SUMF1: variants seen among roughly 807,000 people sequenced by gnomAD.
SUMF1 encodes sulfatase modifying factor 1, also known as formylglycine-generating enzyme.
Under a neutral mutation model 47.6 loss-of-function variants are expected in SUMF1, and 48 were observed. That is an observed-to-expected ratio of 1.01 (90% CI 0.80 to 1.28). SUMF1 has a LOEUF of 1.28. Among genes scored for constraint, SUMF1 ranks in the 50% most tolerant of loss-of-function variants. The pLI, the probability that SUMF1 is intolerant of heterozygous loss-of-function variation, is 0.00. For synonymous variants in SUMF1, 230 were observed against 192.1 expected (o/e 1.20, Z -1.63); for missense variants, 571 against 485.4 (o/e 1.18, Z -1.66).
chr3:4,331,761 C>T (rs774133737), intron 8 of SUMF1, among the ~76,000 whole-genome samples: 6 of 152,102 alleles, frequency 3.9e-5, no homozygotes, highest in Non-Finnish European at 7.4e-5. Flanking sequence ...ACTCAAGAGG[C>T]GGAGGTTGCA....
At chr3:4,257,824 A>G (rs550504727) in intron 8 of SUMF1, among the ~76,000 whole-genome samples, 2 of 151,908 alleles carry the variant, frequency 1.3e-5, no homozygotes, top group Admixed American at 6.5e-5. Context: ...AGCCAAAAGA[A>G]CAAAGCTGGA....
At chr3:4,232,802 C>T (rs576424498) in intron 8 of SUMF1, among the ~76,000 whole-genome samples, 8 of 151,958 alleles carry the variant, frequency 5.3e-5, no homozygotes, top group African/African-American at 1.9e-4. Flanking sequence ...AGCTGTTGTG[C>T]GTTAAGAAAG....
At chr3:4,174,929 T>C (rs1334855443) in intron 8 of SUMF1, among the ~76,000 whole-genome samples, 1 of 152,208 alleles carries the variant, frequency 6.6e-6, no homozygotes, top group African/African-American at 2.4e-5. Context: ...CCTTGCTCAC[T>C]GCTATTGCAG....
At chr3:4,410,021 T>C (rs1303002216) in intron 7 of SUMF1, among the ~76,000 whole-genome samples, 1 of 152,236 alleles carries the variant, frequency 6.6e-6, no homozygotes, top group African/African-American at 2.4e-5. Flanking sequence ...GCACATCAAG[T>C]AACCAGTCTA....
intron 3 of SUMF1, among the ~76,000 whole-genome samples, chr3:4,432,814 G>A (rs711651): frequency 6.6e-6 from 1 of 151,930 alleles, no homozygotes; most frequent in East Asian, 1.9e-4. Flanking sequence ...GTTATCTGTT[G>A]TATCTATGGC....
At chr3:4,217,259 C>T (rs1695945072) in intron 8 of SUMF1, among the ~76,000 whole-genome samples, 1 of 151,136 alleles carries the variant, frequency 6.6e-6, no homozygotes, top group Admixed American at 6.6e-5. Flanking sequence ...CAAACTATCA[C>T]AAGAACAGAA....
chr3:4,418,839 T>C (rs1701802395), intron 4 of SUMF1, among the ~76,000 whole-genome samples: 1 of 152,092 alleles, frequency 6.6e-6, no homozygotes, highest in Non-Finnish European at 1.5e-5. Context: ...TGTGGAAGTT[T>C]GGGGAAAAAA....
intron 8 of SUMF1, among the ~76,000 whole-genome samples, chr3:4,076,414 C>A (rs1559450181): frequency 6.6e-6 from 1 of 152,064 alleles, no homozygotes; most frequent in Non-Finnish European, 1.5e-5. Context: ...TAGGCAATAC[C>A]ATTCAGGACA....
chr3:4,430,309 T>C (rs1702193761), intron 3 of SUMF1, among the ~76,000 whole-genome samples: 1 of 152,164 alleles, frequency 6.6e-6, no homozygotes, highest in Non-Finnish European at 1.5e-5. Flanking sequence ...AAGTGTATGG[T>C]AAGTCTTGAG....
intron 3 of SUMF1, among the ~76,000 whole-genome samples, chr3:4,441,582 C>T (rs546723410): frequency 6.6e-6 from 1 of 152,294 alleles, no homozygotes; most frequent in African/African-American, 2.4e-5. Flanking sequence ...AAAACAAACA[C>T]TGCTACAATA....
chr3:4,451,430 CTG>C (rs1702963305), intron 2 of SUMF1, among the ~76,000 whole-genome samples: 1 of 152,130 alleles, frequency 6.6e-6, no homozygotes, highest in African/African-American at 2.4e-5. Flanking sequence ...TATTAGGTTG[CTG>C]CAAAAGTAAT....
chr3:4,099,624 G>A (rs1364658181), intron 8 of SUMF1, among the ~76,000 whole-genome samples: 1 of 152,058 alleles, frequency 6.6e-6, no homozygotes, highest in East Asian at 1.9e-4. Flanking sequence ...GATTAGGCAA[G>A]AGAAAGAAAT....
chr3:4,250,796 G>A (rs930369759), intron 8 of SUMF1, among the ~76,000 whole-genome samples: 2 of 152,060 alleles, frequency 1.3e-5, no homozygotes, highest in African/African-American at 4.8e-5. Flanking sequence ...ATGATTTACT[G>A]GATATTTAAG....
At chr3:4,230,278 G>T (rs1325499132) in intron 8 of SUMF1, among the ~76,000 whole-genome samples, 1 of 151,986 alleles carries the variant, frequency 6.6e-6, no homozygotes, top group South Asian at 2.1e-4. Flanking sequence ...AGGTTTAAAG[G>T]TTCAGTCCCA....
At chr3:4,336,980 C>G (rs547964151) in intron 8 of SUMF1, among the ~76,000 whole-genome samples, 22 of 152,182 alleles carry the variant, frequency 1.4e-4, no homozygotes, top group Non-Finnish European at 2.9e-4. Flanking sequence ...TTGCAAACTG[C>G]TGATCCCACG....
At chr3:4,288,670 C>G (rs965865738) in intron 8 of SUMF1, among the ~76,000 whole-genome samples, 18 of 152,046 alleles carry the variant, frequency 1.2e-4, no homozygotes, top group Non-Finnish European at 2.2e-4. Context: ...TGGTGGCATG[C>G]ACCTGTAATC....
intron 8 of SUMF1, among the ~76,000 whole-genome samples, chr3:4,341,503 G>GT (rs1699272099): frequency 6.6e-6 from 1 of 151,878 alleles, no homozygotes; most frequent in South Asian, 2.1e-4. Context: ...TGGACAAAGG[G>GT]TTTTTTGTTT....
chr3:4,412,954 G>A (rs983282472), intron 6 of SUMF1, among the ~76,000 whole-genome samples: 1 of 152,244 alleles, frequency 6.6e-6, no homozygotes, highest in South Asian at 2.1e-4. Context: ...GACTTATAGA[G>A]CACAGGTGGA....
intron 8 of SUMF1, among the ~76,000 whole-genome samples, chr3:4,101,278 G>A (rs1693026498): frequency 6.6e-6 from 1 of 152,028 alleles, no homozygotes; most frequent in Non-Finnish European, 1.5e-5. Flanking sequence ...TTAAAATGTG[G>A]TATATACACA....
Sources: gnomAD v4.1 joint callset for allele counts (sites outside exome capture counted in the v4.1 genomes callset) on GRCh38, gnomAD v4.1.1 for gene constraint, MANE v1.5 for transcripts, NCBI Gene and HGNC (gene_info 2026-07-23, HGNC 2026-07-21) for gene names.